Variants in NAV3 observed in about 807,000 individuals in gnomAD.
NAV3 encodes the protein neuron navigator 3.
NAV3 carries 87 observed loss-of-function variants against 244.7 expected under a neutral mutation model. That is an observed-to-expected ratio of 0.36 (90% confidence interval 0.30 to 0.42). The LOEUF (loss-of-function observed/expected upper bound fraction) is 0.42. Ranked by LOEUF, NAV3 falls within the 20% of genes least tolerant of loss-of-function variation. The pLI, the probability that NAV3 is intolerant of heterozygous loss-of-function variation, is 1.00. For missense variants in NAV3, 2,663 were observed against 2,893.3 expected, an observed-to-expected ratio of 0.92 and a Z score of 1.83; for synonymous variants, 1,126 against 1,042.2, an observed-to-expected ratio of 1.08 and a Z score of -1.55.
chr12:77,620,014 C>G (rs980666856), intron 2 of NAV3, among the ~76,000 whole-genome samples: 1 of 152,078 alleles, frequency 6.6e-6, no homozygotes. Context: ...AAATTGCAAA[C>G]AAACAGATTT....
chr12:77,981,715 T>G (rs1869594772), intron 5 of NAV3, among the ~76,000 whole-genome samples: 1 of 151,970 alleles, frequency 6.6e-6, no homozygotes, highest in African/African-American at 2.4e-5. Context: ...AATTGGGAGG[T>G]AAAAATTGCC....
At chr12:78,082,000 C>T (rs541169096) in intron 12 of NAV3, among the ~76,000 whole-genome samples, 2 of 152,198 alleles carry the variant, frequency 1.3e-5, no homozygotes, top group Non-Finnish European at 1.5e-5. Context: ...TCCCACCTGT[C>T]GTGGGATGGA....
intron 34 of NAV3, among the ~76,000 whole-genome samples, chr12:78,196,362 G>T (rs1208886281): frequency 6.6e-6 from 1 of 151,916 alleles, no homozygotes; most frequent in African/African-American, 2.4e-5. Flanking sequence ...ACAGAGAGAG[G>T]TTGCATCTAG....
At chr12:78,189,222 A>G (rs1183564299) in intron 33 of NAV3, among the ~76,000 whole-genome samples, 1 of 151,860 alleles carries the variant, frequency 6.6e-6, no homozygotes. Context: ...AAGTTCTGAG[A>G]ATTTTCTTTG....
intron 1 of NAV3, among the ~76,000 whole-genome samples, chr12:77,920,927 C>A (rs574939882): frequency 6.6e-6 from 1 of 152,052 alleles, no homozygotes; most frequent in Non-Finnish European, 1.5e-5. Flanking sequence ...TTGTTCATAT[C>A]CTTGTCACAA....
At chr12:77,946,383 A>G (rs1434943991) in intron 3 of NAV3, among the ~76,000 whole-genome samples, 2 of 151,980 alleles carry the variant, frequency 1.3e-5, no homozygotes, top group Non-Finnish European at 2.9e-5. Flanking sequence ...CAAAGAGCAC[A>G]TATTTAAGAA....
intron 22 of NAV3, among the ~76,000 whole-genome samples, chr12:78,153,384 A>G (rs1251622091): frequency 6.6e-6 from 1 of 152,084 alleles, no homozygotes; most frequent in Non-Finnish European, 1.5e-5. Flanking sequence ...AGCTGATTCT[A>G]CTAGCATGTC....
At chr12:78,130,361 T>G (rs1956107984) in intron 18 of NAV3, 1 of 219,706 alleles carries the variant, frequency 4.6e-6, no homozygotes, top group Non-Finnish European at 1.0e-5. Context: ...AGTCTCTGGT[T>G]TGATCTTCCT....
At chr12:77,707,760 G>C (rs555142288) in intron 2 of NAV3, among the ~76,000 whole-genome samples, 201 of 152,276 alleles carry the variant, frequency 1.3e-3, no homozygotes, top group Admixed American at 5.1e-3. Context: ...CATTTTAACT[G>C]GTGTGAGATG....
At chr12:78,073,904 G>T (rs190909135) in intron 12 of NAV3, among the ~76,000 whole-genome samples, 4 of 152,192 alleles carry the variant, frequency 2.6e-5, no homozygotes, top group African/African-American at 9.7e-5. Context: ...TACTAAATTT[G>T]TGGAATATGT....
intron 30 of NAV3, among the ~76,000 whole-genome samples, chr12:78,182,575 C>G (rs1958544954): frequency 6.6e-6 from 1 of 151,694 alleles, no homozygotes; most frequent in Admixed American, 6.6e-5. Context: ...AACTTAGTAT[C>G]TAGGAAAAAT....
rs1956414390 is a variant in NAV3 at position 78,137,270 on chromosome 12, A to G, written c.4535A>G (p.Tyr1512Cys). The change falls in exon 19 of 40, where the codon TAT (tyrosine) becomes TGT (cysteine). Residue 1512 changes from tyrosine to cysteine, a missense_variant. Tyr to Cys is a radical substitution (Grantham distance 194). This residue lies in a region of NAV3 where 354 missense variants were observed against 413.0 expected (regional missense o/e 0.86). Coordinates refer to ENST00000397909, the MANE Select transcript of NAV3 (RefSeq NM_001024383.2). ...GCCCAAGACTCTTCCTTCGATCTCTATGATGACTCCCAGCTTTGTGGGAGT... is the reference window on the plus strand; with the variant it reads ...GCCCAAGACTCTTCCTTCGATCTCTGTGATGACTCCCAGCTTTGTGGGAGT... Reference protein sequence around the residue: ...IPAQDSSFDLYDDSQLCGSAT... With the variant: ...IPAQDSSFDLCDDSQLCGSAT... 3 of 1,613,710 alleles carry G rather than the reference A, an allele frequency of 1.9e-6. No individual in the cohort carries two copies. Among genetic ancestry groups the G allele is most frequent in the Non-Finnish European group, 2.5e-6 (3 of 1,179,764 alleles).
chr12:77,789,833 A>AAAAGAG (rs1871102394), intron 2 of NAV3, among the ~76,000 whole-genome samples: 1 of 146,054 alleles, frequency 6.8e-6, no homozygotes, highest in South Asian at 2.2e-4. Flanking sequence ...AAAAAAAAAA[A>AAAAGAG]AAAGAGAACA....
At chr12:77,648,275 G>T (rs1872684855) in intron 2 of NAV3, among the ~76,000 whole-genome samples, 1 of 152,018 alleles carries the variant, frequency 6.6e-6, no homozygotes, top group South Asian at 2.1e-4. Flanking sequence ...TTAGAGACCT[G>T]ATCTTTATTA....
chr12:78,074,511 T>C (rs1952945471), intron 12 of NAV3, among the ~76,000 whole-genome samples: 1 of 152,140 alleles, frequency 6.6e-6, no homozygotes, highest in African/African-American at 2.4e-5. Context: ...GAGACCAGCC[T>C]GGCCAAGATG....
intron 2 of NAV3, among the ~76,000 whole-genome samples, chr12:77,822,235 T>C (rs565266294): frequency 6.6e-6 from 1 of 152,314 alleles, no homozygotes; most frequent in Non-Finnish European, 1.5e-5. Context: ...TATAAACAAT[T>C]TCCACCTCTC....
At chr12:78,192,682 T>A (rs999382278) in intron 34 of NAV3, among the ~76,000 whole-genome samples, 2 of 152,066 alleles carry the variant, frequency 1.3e-5, no homozygotes, top group African/African-American at 4.8e-5. Flanking sequence ...AATGCTGGGA[T>A]TACAGGCATG....
intron 2 of NAV3, among the ~76,000 whole-genome samples, chr12:77,759,077 G>C (rs1354386928): frequency 1.3e-5 from 2 of 152,190 alleles, no homozygotes; most frequent in African/African-American, 4.8e-5. Flanking sequence ...GGACAGCACA[G>C]TCCCACTGCA....
At chr12:78,151,978 T>A (rs1365063247) in intron 22 of NAV3, among the ~76,000 whole-genome samples, 1 of 151,566 alleles carries the variant, frequency 6.6e-6, no homozygotes, top group African/African-American at 2.4e-5. Flanking sequence ...TTTCCTTTAT[T>A]TGTGGTATTT....
Sources: allele counts gnomAD v4.1 joint callset (sites outside exome capture counted in the v4.1 genomes callset), GRCh38; gene constraint gnomAD v4.1.1; regional missense constraint gnomAD v4.1.1; transcripts MANE v1.5; gene names NCBI Gene and HGNC (gene_info 2026-07-23, HGNC 2026-07-21).